The following DGKI variants were observed in gnomAD, a reference collection of about 807,000 sequenced individuals.
The protein encoded by DGKI is DAG kinase iota.
A neutral mutation model predicts 147.5 loss-of-function variants in DGKI; 55 were observed. That is an observed-to-expected ratio of 0.37 (90% CI 0.30 to 0.47). DGKI has a LOEUF of 0.47. DGKI is among the 20% of genes least tolerant of loss of function. The pLI is 1.00. For synonymous variants in DGKI, 469 were observed against 477.1 expected, an observed-to-expected ratio of 0.98 and a Z score of 0.22; for missense variants, 1,007 against 1,323.8, an observed-to-expected ratio of 0.76 and a Z score of 3.71.
chr7:137,548,991 A>C lies in DGKI; in HGVS notation c.2147+3378T>G, dbSNP rs188304226. Among the ~76,000 whole-genome samples the C allele has an allele frequency of 2.0e-5, 3 of 152,258 alleles. No individual in the cohort carries two copies. In the East Asian group the frequency reaches 5.8e-4, roughly 29 times the overall value. On this transcript the variant is annotated intron_variant, in intron 20 of 32. Transcript: ENST00000614521. ...ATAAACAAATAAATATAAATAAATA[A>C]ATTATCCAGCCTCAGGTATTTCTTT...
Position 137,415,205 on chromosome 7 carries a change from C to T in DGKI, c.2762-2998G>A, listed in dbSNP as rs771720648. Among the ~76,000 whole-genome samples, 33 of 152,248 alleles carry T rather than the reference C, an allele frequency of 2.2e-4. No individual in the cohort carries two copies. The South Asian group carries it at 5.0e-3, about 23-fold the overall frequency. On this transcript the variant is annotated intron_variant, in intron 28 of 32. Coordinates refer to ENST00000614521, the MANE Select transcript of DGKI (RefSeq NM_001321708.2). Reference sequence around the variant, plus strand: ...GAGGCTGGGGAAAGTAAAGCCAGCCCTCCGTATCTGCAGGTTCCAAATCTG... The same window carrying T: ...GAGGCTGGGGAAAGTAAAGCCAGCCTTCCGTATCTGCAGGTTCCAAATCTG...
At chr7:137,457,563 G>C (rs930220355) in intron 27 of DGKI, among the ~76,000 whole-genome samples, 1 of 152,078 alleles carries the variant, frequency 6.6e-6, no homozygotes, top group Non-Finnish European at 1.5e-5. Context: ...GGAGGTCTCC[G>C]GGCTTTATCT....
chr7:137,576,358 T>A (rs903940003), intron 17 of DGKI, among the ~76,000 whole-genome samples: 2 of 151,426 alleles, frequency 1.3e-5, no homozygotes, highest in African/African-American at 4.9e-5. Context: ...ATTCTTATTC[T>A]TTAGAATAAG....
Position 137,444,057 on chromosome 7 carries a change from A to G in DGKI, c.2761+20T>C. ...AAGTTTCAATCCTGAATTGGTATAA[A>G]TAAGACAGATGATTCTTACCATGAT... On this transcript the variant is annotated intron_variant, in intron 28 of 32. Transcript: ENST00000614521. 6.4e-7 allele frequency: 1 copy of G among 1,558,182 alleles called. No homozygotes were observed. Among genetic ancestry groups the G allele is most frequent in the Non-Finnish European group, 8.7e-7 (1 of 1,150,462 alleles).
intron 1 of DGKI, among the ~76,000 whole-genome samples, chr7:137,787,038 G>A (rs995818578): frequency 1.3e-5 from 2 of 152,048 alleles, no homozygotes; most frequent in African/African-American, 4.8e-5. Flanking sequence ...GACAACATTG[G>A]AAAAACCCTT....
intron 1 of DGKI, among the ~76,000 whole-genome samples, chr7:137,718,274 C>A (rs530846566): frequency 6.6e-6 from 1 of 152,118 alleles, no homozygotes; most frequent in African/African-American, 2.4e-5. Context: ...ACCAGCTTTA[C>A]GGATGAGGAG....
In DGKI at chr7:137,786,723, T is replaced by C. The variant is rs532825215; in HGVS notation, c.401+59739A>G. Among the ~76,000 whole-genome samples, 26 of 150,234 alleles carry C rather than the reference T, an allele frequency of 1.7e-4. No individual in the cohort carries two copies. In the South Asian group the frequency reaches 5.5e-3, roughly 32 times the overall value. ...GGCATCACATTACTCAACTCTAAACTATACTATAAGGCCACAGTTAGGAAA... is the reference window on the plus strand; with the variant it reads ...GGCATCACATTACTCAACTCTAAACCATACTATAAGGCCACAGTTAGGAAA... On this transcript the variant is annotated intron_variant, in intron 1 of 32. Transcript: ENST00000614521.
At chr7:137,638,514 G>A (rs1172501376) in intron 6 of DGKI, among the ~76,000 whole-genome samples, 3 of 113,296 alleles carry the variant, frequency 2.6e-5, no homozygotes, top group Admixed American at 8.6e-5. Context: ...ATATATATGT[G>A]TGTATATATA....
Position 137,599,890 on chromosome 7 carries a change from G to T in DGKI, c.1183C>A (p.Gln395Lys). The T allele has an allele frequency of 6.2e-7, 1 of 1,613,264 alleles. No homozygotes were observed. Among genetic ancestry groups the T allele is most frequent in the Non-Finnish European group, 8.5e-7 (1 of 1,179,308 alleles). Residue 395 changes from glutamine (Q) to lysine (K), a missense_variant, in exon 11 of 33, where the codon CAG (glutamine) becomes AAG (lysine). Around this residue, in one of 5 missense-constraint regions of DGKI, gnomAD observed 2 missense variants for 19.1 expected, o/e 0.10. Transcript: ENST00000614521. ...GGATTCAGGTACCACATGAACATCTGCAGGACTTTGGTTCCCTGTAAAAAA... is the reference window on the plus strand; with the variant it reads ...GGATTCAGGTACCACATGAACATCTTCAGGACTTTGGTTCCCTGTAAAAAA... Reference protein sequence around the residue: ...SGGNQGTKVLQMFMWYLNPRQ... With the variant: ...SGGNQGTKVLKMFMWYLNPRQ...
chr7:137,828,203 T>G (rs562973777), intron 1 of DGKI, among the ~76,000 whole-genome samples: 26 of 152,382 alleles, frequency 1.7e-4, no homozygotes, highest in African/African-American at 6.0e-4. Flanking sequence ...AGTGGCTATT[T>G]TTTTTATTTC....
At chr7:137,483,264 G>A (rs1029197860) in intron 23 of DGKI, among the ~76,000 whole-genome samples, 2 of 151,984 alleles carry the variant, frequency 1.3e-5, no homozygotes, top group African/African-American at 4.8e-5. Context: ...ATAAATAAAA[G>A]TAGTTTCATA....
intron 14 of DGKI, among the ~76,000 whole-genome samples, chr7:137,583,172 A>G (rs756521359): frequency 6.6e-6 from 1 of 152,186 alleles, no homozygotes; most frequent in Non-Finnish European, 1.5e-5. Context: ...ATGACCCCAC[A>G]TGGAAGCTCT....
intron 28 of DGKI, among the ~76,000 whole-genome samples, chr7:137,423,974 T>A (rs1585099953): frequency 1.3e-5 from 2 of 152,186 alleles, no homozygotes; most frequent in African/African-American, 4.8e-5. Context: ...CACCAACCCA[T>A]CATCTACTTT....
intron 1 of DGKI, among the ~76,000 whole-genome samples, chr7:137,694,998 C>A (rs921839584): frequency 2.6e-5 from 4 of 152,106 alleles, no homozygotes; most frequent in Non-Finnish European, 5.9e-5. Context: ...TACTATTGAA[C>A]CAAAGGTTGT....
intron 19 of DGKI, among the ~76,000 whole-genome samples, chr7:137,563,046 A>G: frequency 6.6e-6 from 1 of 152,156 alleles, no homozygotes; most frequent in East Asian, 1.9e-4. Flanking sequence ...CTAGCAATAT[A>G]AAAATGATAA....
At chr7:137,398,425 A>G (rs146529279) in intron 30 of DGKI, among the ~76,000 whole-genome samples, 74 of 151,878 alleles carry the variant, frequency 4.9e-4, no homozygotes, top group African/African-American at 1.7e-3. Context: ...GAGCCTGGAG[A>G]TAAGTAGATG....
At chr7:137,725,860 T>A (rs541161799) in intron 1 of DGKI, among the ~76,000 whole-genome samples, 1 of 152,238 alleles carries the variant, frequency 6.6e-6, no homozygotes, top group Non-Finnish European at 1.5e-5. Flanking sequence ...ATCTACTGAC[T>A]GATTTTTATT....
intron 1 of DGKI, among the ~76,000 whole-genome samples, chr7:137,710,433 T>A (rs938488745): frequency 6.6e-6 from 1 of 151,974 alleles, no homozygotes; most frequent in Non-Finnish European, 1.5e-5. Context: ...ATAAACAAAC[T>A]GACCAATGAA....
intron 1 of DGKI, among the ~76,000 whole-genome samples, chr7:137,752,410 C>T (rs11976084): frequency 0.27 from 40,774 of 151,904 alleles, 5,573 homozygotes; most frequent in Middle Eastern, 0.36. Context: ...ACAAAATGTA[C>T]GGAATTCCGC....
Sources: gnomAD v4.1 joint callset for allele counts (sites outside exome capture counted in the v4.1 genomes callset) on GRCh38, gnomAD v4.1.1 for gene constraint, gnomAD v4.1.1 regional missense constraint, MANE v1.5 for transcripts, NCBI Gene and HGNC (gene_info 2026-07-23, HGNC 2026-07-21) for gene names.